Variants in NEO1 observed in about 807,000 individuals in gnomAD.
NEO1 encodes neogenin 1, also known as neogenin.
A neutral mutation model predicts 159.7 loss-of-function variants in NEO1; 63 were observed. The observed-to-expected ratio is 0.39, with a 90% CI of 0.32 to 0.49. The LOEUF is 0.49. Among genes scored for constraint, NEO1 ranks in the 20% least tolerant of loss-of-function variants. The pLI is 0.85. For missense variants in NEO1, 1,615 were observed against 1,831.0 expected, an observed-to-expected ratio of 0.88 and a Z score of 2.15; for synonymous variants, 633 against 662.0, an observed-to-expected ratio of 0.96 and a Z score of 0.67.
chr15:73,124,029 CGTGTGTGT>C (rs141773056), intron 3 of NEO1, among the ~76,000 whole-genome samples: 3 of 151,478 alleles, frequency 2.0e-5, no homozygotes, highest in African/African-American at 7.3e-5. Flanking sequence ...TGCGTTTGTG[CGTGTGTGT>C]GTGTGAGCGC....
At chr15:73,145,143 A>G (rs965315182) in intron 5 of NEO1, among the ~76,000 whole-genome samples, 10 of 152,246 alleles carry the variant, frequency 6.6e-5, no homozygotes, top group Non-Finnish European at 1.5e-5. Flanking sequence ...CTGTTAAAAA[A>G]GGGGGGAGGT....
Position 73,196,179 on chromosome 15 carries a change from C to T in NEO1, c.1291+17752C>T, listed in dbSNP as rs974347906. Among the ~76,000 whole-genome samples the T allele has an allele frequency of 3.3e-5, 5 of 152,134 alleles. No individual in the cohort carries two copies. The South Asian group carries it at 6.2e-4, about 19-fold the overall frequency. On this transcript the variant is annotated intron_variant, in intron 7 of 28. Transcript: ENST00000261908. Reference sequence around the variant, plus strand: ...TCTGGGCCCACTGCTGTGGTAGGTGCGTCATTAACATCTGTCACACCTTTT... The same window carrying T: ...TCTGGGCCCACTGCTGTGGTAGGTGTGTCATTAACATCTGTCACACCTTTT...
chr15:73,238,728 A>G (rs2039330707), intron 8 of NEO1, among the ~76,000 whole-genome samples: 1 of 152,130 alleles, frequency 6.6e-6, no homozygotes, highest in Admixed American at 6.5e-5. Context: ...AGAGACAAAT[A>G]ATACAAGCAG....
At chr15:73,080,377 G>A (rs2068979162) in intron 1 of NEO1, among the ~76,000 whole-genome samples, 1 of 152,100 alleles carries the variant, frequency 6.6e-6, no homozygotes, top group African/African-American at 2.4e-5. Context: ...TGTCTTCATG[G>A]CAGAGACAAT....
At chr15:73,093,516 C>G (rs1567176449) in intron 1 of NEO1, among the ~76,000 whole-genome samples, 1 of 150,590 alleles carries the variant, frequency 6.6e-6, no homozygotes, top group Non-Finnish European at 1.5e-5. Flanking sequence ...GATTATAATC[C>G]AGTAATCCTT....
intron 15 of NEO1, 77 bp downstream of exon 15, chr15:73,260,542 T>C: frequency 7.6e-7 from 1 of 1,309,624 alleles, no homozygotes. Context: ...TATTTTTATT[T>C]TTACAAGAAA....
chr15:73,062,118 T>C (rs2068008727), intron 1 of NEO1, among the ~76,000 whole-genome samples: 1 of 152,202 alleles, frequency 6.6e-6, no homozygotes, highest in African/African-American at 2.4e-5. Context: ...ACAGCTGATT[T>C]ACACTCCTTT....
chr15:73,070,622 C>T (rs1236905252), intron 1 of NEO1, among the ~76,000 whole-genome samples: 5 of 152,138 alleles, frequency 3.3e-5, no homozygotes, highest in African/African-American at 4.8e-5. Flanking sequence ...TCCTAGTATA[C>T]GCCTTGAAAC....
chr15:73,153,778 T>C (rs2033568769), intron 5 of NEO1, among the ~76,000 whole-genome samples: 1 of 152,198 alleles, frequency 6.6e-6, no homozygotes, highest in Admixed American at 6.5e-5. Context: ...TTTAGTTCTC[T>C]CTTGTAAAAC....
chr15:73,146,211 A>G (rs2032886345), intron 5 of NEO1, among the ~76,000 whole-genome samples: 1 of 152,128 alleles, frequency 6.6e-6, no homozygotes, highest in African/African-American at 2.4e-5. Flanking sequence ...TCCAGTTTCT[A>G]CCCTACTAGA....
chr15:73,248,948 C>A, intron 9 of NEO1, 112 bp from the exon 10 acceptor site: 1 of 987,374 alleles, frequency 1.0e-6, no homozygotes, highest in Non-Finnish European at 1.5e-6. Flanking sequence ...CCATTGTTTT[C>A]TTAGCTTCTA....
At chr15:73,089,400 A>G (rs1036115661) in intron 1 of NEO1, among the ~76,000 whole-genome samples, 3 of 152,120 alleles carry the variant, frequency 2.0e-5, no homozygotes, top group African/African-American at 7.2e-5. Flanking sequence ...TTTTCTGCAT[A>G]TAAATGAAAA....
In NEO1 at chr15:73,126,524, C is replaced by T. The variant is rs765646925; in HGVS notation, c.832C>T (p.Pro278Ser). ...LPCVASGLPT[P>S]TIKWMKNEEA... is the part of the protein sequence containing the mutation. ...ATGTGTTGCTTCAGGACTTCCTACT[C>T]CAACCATTAAATGGATGAAAAATGA... is the stretch of plus-strand genomic sequence containing the variant. The change falls in exon 4 of 29, where the codon CCA becomes TCA. Residue 278 changes from proline to serine, a missense_variant. Physicochemically the swap from Pro to Ser is moderately conservative, Grantham distance 74 (BLOSUM62 -1). This residue lies in a region of NEO1 where 1,018 missense variants were observed against 1,115.4 expected (regional missense o/e 0.91). Transcript: ENST00000261908. The T allele has an allele frequency of 1.2e-6, 2 of 1,613,688 alleles. No individual in the cohort carries two copies. The highest frequency in any genetic ancestry group is 1.7e-5 in the Admixed American group (1 of 59,972).
At chr15:73,231,020 T>C (rs2038877479) in intron 7 of NEO1, among the ~76,000 whole-genome samples, 3 of 152,212 alleles carry the variant, frequency 2.0e-5, no homozygotes, top group Non-Finnish European at 4.4e-5. Context: ...CATTTTTTGC[T>C]TTCATATTTT....
chr15:73,210,498 A>G (rs912627243), intron 7 of NEO1, among the ~76,000 whole-genome samples: 18 of 152,366 alleles, frequency 1.2e-4, no homozygotes, highest in African/African-American at 4.3e-4. Flanking sequence ...GCCACTGATA[A>G]GAGAGCTTGA....
At chr15:73,130,581 G>A (rs546762495) in intron 4 of NEO1, among the ~76,000 whole-genome samples, 2 of 152,318 alleles carry the variant, frequency 1.3e-5, no homozygotes, top group Admixed American at 6.5e-5. Flanking sequence ...CATGCCAGGA[G>A]CCTAGACTTC....
At chr15:73,132,001 G>C (rs531688638) in intron 4 of NEO1, among the ~76,000 whole-genome samples, 2 of 152,258 alleles carry the variant, frequency 1.3e-5, no homozygotes, top group Admixed American at 6.5e-5. Flanking sequence ...GGGTTACTTT[G>C]TCAGGAAAAT....
Position 73,061,032 on chromosome 15 carries a change from T to C in NEO1, c.130+8227T>C, listed in dbSNP as rs2067952421. Among the ~76,000 whole-genome samples the C allele has an allele frequency of 2.0e-5, 3 of 152,322 alleles. No homozygotes were observed. The South Asian group carries it at 6.2e-4, about 32-fold the overall frequency. On this transcript the variant is annotated intron_variant, in intron 1 of 28. Coordinates refer to ENST00000261908, the MANE Select transcript of NEO1 (RefSeq NM_002499.4). Reference sequence around the variant, plus strand: ...CGGAATATAACTGAAGACTAGGGAATAAGAGAAATAATTTTCAAAGTAAAT... The same window carrying C: ...CGGAATATAACTGAAGACTAGGGAACAAGAGAAATAATTTTCAAAGTAAAT...
chr15:73,148,303 G>A (rs554575950), intron 5 of NEO1, among the ~76,000 whole-genome samples: 4 of 152,238 alleles, frequency 2.6e-5, no homozygotes, highest in Non-Finnish European at 4.4e-5. Flanking sequence ...CTTCATTTAA[G>A]AAATTCCCAT....
Sources: gnomAD v4.1 joint callset for allele counts (sites outside exome capture counted in the v4.1 genomes callset) on GRCh38, gnomAD v4.1.1 for gene constraint, gnomAD v4.1.1 regional missense constraint, MANE v1.5 for transcripts, NCBI Gene and HGNC (gene_info 2026-07-23, HGNC 2026-07-21) for gene names.